The following SLC41A3 variants were observed in gnomAD, a reference collection of about 807,000 sequenced individuals.
SLC41A3 encodes solute carrier family 41 member 3.
In SLC41A3, 44 loss-of-function variants were observed where a neutral mutation model predicts 45.4. That is an observed-to-expected ratio of 0.97 (90% confidence interval 0.76 to 1.25). The LOEUF (loss-of-function observed/expected upper bound fraction) is 1.25, where lower values mean the gene tolerates loss of function less well. Ranked by LOEUF, SLC41A3 falls within the 50% of genes most tolerant of loss-of-function variation. The pLI, the probability that SLC41A3 is intolerant of heterozygous loss-of-function variation, is 0.00. For missense variants in SLC41A3, 550 were observed against 600.6 expected (o/e 0.92, Z 0.88); for synonymous variants, 256 against 252.4 (o/e 1.01, Z -0.13).
intron 2 of SLC41A3, 49 bp downstream of exon 2, chr3:126,067,898 T>G: frequency 6.6e-7 from 1 of 1,526,656 alleles, no homozygotes; most frequent in South Asian, 1.3e-5. Flanking sequence ...ACTCTATAGG[T>G]GATGTTCGGC....
intron 5 of SLC41A3, chr3:126,023,656 C>T (rs1323833840): frequency 6.6e-6 from 1 of 152,402 alleles, no homozygotes; most frequent in Non-Finnish European, 1.5e-5. Flanking sequence ...TGGCGGATTT[C>T]TGGGGGCAGC....
At chr3:126,063,753 T>A (rs1322349927) in intron 2 of SLC41A3, among the ~76,000 whole-genome samples, 5 of 152,182 alleles carry the variant, frequency 3.3e-5, no homozygotes, top group Non-Finnish European at 7.3e-5. Flanking sequence ...AAGGCCCTCA[T>A]TTCCTTCTTG....
chr3:126,050,144 A>G (rs569972314), intron 3 of SLC41A3, among the ~76,000 whole-genome samples: 7 of 152,322 alleles, frequency 4.6e-5, no homozygotes, highest in Admixed American at 2.6e-4. Flanking sequence ...TTCCAAGACC[A>G]GGACCTGGTT....
intron 3 of SLC41A3, among the ~76,000 whole-genome samples, chr3:126,038,529 G>T (rs887488990): frequency 6.6e-6 from 1 of 152,182 alleles, no homozygotes; most frequent in Non-Finnish European, 1.5e-5. Flanking sequence ...CTGTCTGCTG[G>T]GCTTCAGACT....
intron 6 of SLC41A3, among the ~76,000 whole-genome samples, chr3:126,017,705 A>C (rs911713596): frequency 2.0e-5 from 3 of 151,556 alleles, no homozygotes; most frequent in African/African-American, 7.3e-5. Flanking sequence ...GGGGCCCAAC[A>C]CTCAGGGGTA....
intron 1 of SLC41A3, among the ~76,000 whole-genome samples, chr3:126,079,279 G>GACAC (rs63354060): frequency 4.9e-4 from 71 of 146,122 alleles, no homozygotes; most frequent in African/African-American, 6.6e-4. Context: ...AAGGGTAAGG[G>GACAC]ACACACACAC....
At chr3:126,047,748 T>G (rs936500022) in intron 3 of SLC41A3, among the ~76,000 whole-genome samples, 1 of 150,332 alleles carries the variant, frequency 6.7e-6, no homozygotes, top group Non-Finnish European at 1.5e-5. Flanking sequence ...AAACTCTAAA[T>G]GAATCAAAGA....
intron 1 of SLC41A3, chr3:126,083,776 C>T (rs1049574068): frequency 1.3e-5 from 2 of 151,996 alleles, no homozygotes; most frequent in South Asian, 2.1e-4. Context: ...CCCCCGCGAC[C>T]CCCAGCGCCT....
intron 2 of SLC41A3, among the ~76,000 whole-genome samples, chr3:126,062,958 C>T (rs2107988383): frequency 6.6e-6 from 1 of 152,286 alleles, no homozygotes; most frequent in Middle Eastern, 3.4e-3. Flanking sequence ...TCCCCTCAAG[C>T]CCTGGAGTCT....
rs201168907 is a variant in SLC41A3 at position 126,050,920 on chromosome 3, C to T, written c.381+23G>A. 30 of 1,601,920 alleles carry T rather than the reference C, an allele frequency of 1.9e-5. No homozygotes were observed. In the East Asian group the frequency reaches 4.3e-4, roughly 23 times the overall value. ...CGCCTGCCTCACGTTGTGGCCGCCT[C>T]GAATGTCCAGGTGTCCACTTACAGC... On this transcript the variant is annotated intron_variant, in intron 3 of 10. Coordinates refer to ENST00000360370, the MANE Select transcript of SLC41A3 (RefSeq NM_017836.4).
intron 1 of SLC41A3, among the ~76,000 whole-genome samples, chr3:126,080,434 G>A (rs367587983): frequency 6.6e-6 from 1 of 152,052 alleles, no homozygotes; most frequent in South Asian, 2.1e-4. Context: ...AGACATAAAT[G>A]GCTCACATAT....
chr3:126,064,638 T>G (rs1944257653), intron 2 of SLC41A3, among the ~76,000 whole-genome samples: 1 of 152,110 alleles, frequency 6.6e-6, no homozygotes, highest in South Asian at 2.1e-4. Flanking sequence ...GCACCCCCAG[T>G]CTTCTCTCTC....
chr3:126,046,066 C>T (rs34342024), intron 3 of SLC41A3, among the ~76,000 whole-genome samples: 47,342 of 150,854 alleles, frequency 0.31, 8,869 homozygotes, highest in East Asian at 0.5. Flanking sequence ...AAAAAAACAC[C>T]CAACAAACTA....
intron 9 of SLC41A3, among the ~76,000 whole-genome samples, chr3:126,011,936 A>T (rs1216416055): frequency 6.6e-6 from 1 of 152,242 alleles, no homozygotes; most frequent in Non-Finnish European, 1.5e-5. Context: ...TTTCAAAGCC[A>T]ACAAAAAGAC....
chr3:126,022,471 G>A (rs28472808), intron 6 of SLC41A3, among the ~76,000 whole-genome samples: 8,276 of 152,268 alleles, frequency 0.054, 705 homozygotes, highest in African/African-American at 0.18. Context: ...GTCTGGAGGT[G>A]GTGCAGGGCA....
chr3:126,054,219 G>T (rs1335297162), intron 2 of SLC41A3, among the ~76,000 whole-genome samples: 2 of 152,122 alleles, frequency 1.3e-5, no homozygotes, highest in Non-Finnish European at 2.9e-5. Context: ...AGACACACAG[G>T]CATATGTCAA....
At chr3:126,096,058 C>T (rs993027920) in intron 1 of SLC41A3, among the ~76,000 whole-genome samples, 4 of 152,152 alleles carry the variant, frequency 2.6e-5, no homozygotes, top group African/African-American at 9.7e-5. Context: ...TAGAAGGACA[C>T]TCTACAAACT....
chr3:126,063,949 A>ACCCCCCCCCCCCCCCCCCCCACCCC (rs56806357), intron 2 of SLC41A3, among the ~76,000 whole-genome samples: 1 of 101,996 alleles, frequency 9.8e-6, no homozygotes, highest in Non-Finnish European at 2.1e-5. Flanking sequence ...GCCAGATCCA[A>ACCCCCCCCCCCCCCCCCCCCACCCC]CCCCCCCCCG....
At chr3:126,015,381 C>T in intron 8 of SLC41A3, 113 bp downstream of exon 8, 1 of 1,047,302 alleles carries the variant, frequency 9.5e-7, no homozygotes, top group East Asian at 2.4e-5. Flanking sequence ...CTCAGCTGCC[C>T]AACTGCCTGT....
Sources: gnomAD v4.1 joint callset for allele counts (sites outside exome capture counted in the v4.1 genomes callset) on GRCh38, gnomAD v4.1.1 for gene constraint, MANE v1.5 for transcripts, NCBI Gene and HGNC (gene_info 2026-07-23, HGNC 2026-07-21) for gene names.